ERC2: variants seen among roughly 807,000 people sequenced by gnomAD.
ERC2 encodes ELKS/RAB6-interacting/CAST family member 2, also known as ERC protein 2.
A neutral mutation model predicts 114.8 loss-of-function variants in ERC2; 42 were observed. The observed-to-expected ratio is 0.37, with a 90% confidence interval of 0.29 to 0.47. ERC2 has a LOEUF of 0.47. Ranked by LOEUF, ERC2 falls within the 20% of genes least tolerant of loss-of-function variation. The pLI, the probability that ERC2 is intolerant of heterozygous loss-of-function variation, is 0.99. For synonymous variants in ERC2, 454 were observed against 425.5 expected (o/e 1.07, Z -0.82); for missense variants, 939 against 1,150.7 (o/e 0.82, Z 2.66).
chr3:55,676,294 G>A, intron 17 of ERC2, among the ~76,000 whole-genome samples: 1 of 151,740 alleles, frequency 6.6e-6, no homozygotes, highest in East Asian at 1.9e-4. Flanking sequence ...GATGTCCCAG[G>A]TGTAAGACAA....
At chr3:56,181,021 T>C (rs953602453) in intron 3 of ERC2, among the ~76,000 whole-genome samples, 3 of 152,218 alleles carry the variant, frequency 2.0e-5, no homozygotes, top group African/African-American at 7.2e-5. Context: ...CTTACAGAAA[T>C]ACCAGCTGTC....
At chr3:55,903,310 C>T (rs1283482095) in intron 13 of ERC2, among the ~76,000 whole-genome samples, 1 of 152,152 alleles carries the variant, frequency 6.6e-6, no homozygotes, top group Non-Finnish European at 1.5e-5. Context: ...GTCTAGTCTC[C>T]TATAAAGTGA....
At chr3:55,735,423 A>G (rs1388716258) in intron 14 of ERC2, among the ~76,000 whole-genome samples, 2 of 152,198 alleles carry the variant, frequency 1.3e-5, no homozygotes, top group Non-Finnish European at 2.9e-5. Flanking sequence ...AAGTAGAAGG[A>G]CAAGTGAGCA....
At chr3:55,620,892 A>G (rs898393543) in intron 17 of ERC2, among the ~76,000 whole-genome samples, 6 of 152,170 alleles carry the variant, frequency 3.9e-5, no homozygotes, top group Non-Finnish European at 8.8e-5. Flanking sequence ...TAAATTCTAG[A>G]TATTTATAAC....
At position 55,980,106 on chromosome 3, in the gene ERC2, G is replaced by GAA. The variant is rs35299238; in HGVS notation, c.2267+5869_2267+5870dup. Among the ~76,000 whole-genome samples the GAA allele has an allele frequency of 7.2e-3, 585 of 81,228 alleles. 3 individuals are homozygous for GAA. Among genetic ancestry groups the GAA allele is most frequent in the African/African-American group, 0.019 (513 of 26,400 alleles). The allele number at this position is 81,228 out of a possible 152,430, so 53.3% of individuals were successfully genotyped here. On this transcript the variant is annotated intron_variant, in intron 12 of 17. Coordinates refer to ENST00000288221, the MANE Select transcript of ERC2 (RefSeq NM_015576.3). ...CTATGTTTGCACGAAGTGTAAATTA[G>GAA]AAAAAAAAAAAAAAAAGCTTTTTGT...
intron 11 of ERC2, 107 bp from the exon 12 acceptor site, chr3:55,986,095 C>A (rs2070606977): frequency 1.9e-6 from 2 of 1,043,084 alleles, no homozygotes; most frequent in African/African-American, 1.6e-5. Flanking sequence ...AAACATATAG[C>A]CAACAGATGT....
chr3:56,376,531 G>A (rs950742416), intron 2 of ERC2, among the ~76,000 whole-genome samples: 18 of 152,022 alleles, frequency 1.2e-4, no homozygotes, highest in East Asian at 3.9e-4. Flanking sequence ...TTGGGAGGCC[G>A]AGGTGGGCAG....
At chr3:56,440,217 C>G (rs2062223087) in intron 1 of ERC2, among the ~76,000 whole-genome samples, 1 of 152,168 alleles carries the variant, frequency 6.6e-6, no homozygotes. Flanking sequence ...CCAGTCTTCC[C>G]TATTCCTGAA....
At chr3:55,566,304 C>T (rs1333321960) in intron 17 of ERC2, among the ~76,000 whole-genome samples, 1 of 152,192 alleles carries the variant, frequency 6.6e-6, no homozygotes, top group Non-Finnish European at 1.5e-5. Flanking sequence ...GTGCCAGGTA[C>T]TATTTGATGC....
At chr3:55,591,156 A>G (rs904622) in intron 17 of ERC2, among the ~76,000 whole-genome samples, 145,773 of 151,576 alleles carry the variant, frequency 0.96, 70,270 homozygotes, top group Non-Finnish European at 1. Flanking sequence ...GGGTAGAATT[A>G]TGGTTGATTT....
At chr3:55,619,119 C>A (rs1236745533) in intron 17 of ERC2, among the ~76,000 whole-genome samples, 1 of 152,198 alleles carries the variant, frequency 6.6e-6, no homozygotes. Context: ...ATTAAGCTAA[C>A]CTGTACCACT....
intron 6 of ERC2, among the ~76,000 whole-genome samples, chr3:56,081,318 T>A (rs571580143): frequency 6.6e-6 from 1 of 152,318 alleles, no homozygotes; most frequent in African/African-American, 2.4e-5. Context: ...CTCCCATGTC[T>A]CTCTGAGAGT....
At chr3:55,823,228 G>C (rs1575721537) in intron 14 of ERC2, among the ~76,000 whole-genome samples, 2 of 152,144 alleles carry the variant, frequency 1.3e-5, no homozygotes, top group African/African-American at 2.4e-5. Context: ...TGAGTGATTT[G>C]AAGTGACCTC....
intron 7 of ERC2, among the ~76,000 whole-genome samples, chr3:56,055,704 T>A (rs2075983483): frequency 6.6e-6 from 1 of 152,194 alleles, no homozygotes; most frequent in Non-Finnish European, 1.5e-5. Context: ...ATCAGCCCCA[T>A]CATTAGTACA....
At chr3:56,369,836 C>T (rs964924995) in intron 2 of ERC2, among the ~76,000 whole-genome samples, 33 of 152,104 alleles carry the variant, frequency 2.2e-4, no homozygotes, top group Non-Finnish European at 3.8e-4. Context: ...GCCATCACGC[C>T]CGGCTAATTT....
chr3:56,193,556 C>A (rs1361391716), intron 3 of ERC2, among the ~76,000 whole-genome samples: 1 of 151,954 alleles, frequency 6.6e-6, no homozygotes, highest in Middle Eastern at 3.4e-3. Flanking sequence ...TAGGCAAGAT[C>A]GTGAGTAATT....
intron 17 of ERC2, among the ~76,000 whole-genome samples, chr3:55,552,888 G>A (rs1461031635): frequency 5.3e-5 from 8 of 151,572 alleles, no homozygotes; most frequent in East Asian, 1.9e-4. Flanking sequence ...AAAACCAACC[G>A]ACTGAATTAG....
chr3:55,589,435 T>C (rs1414163927), intron 17 of ERC2, among the ~76,000 whole-genome samples: 1 of 152,114 alleles, frequency 6.6e-6, no homozygotes, highest in African/African-American at 2.4e-5. Context: ...TCCGCACATC[T>C]ACCATGACTA....
At chr3:55,771,633 A>T (rs2068210969) in intron 14 of ERC2, among the ~76,000 whole-genome samples, 1 of 152,246 alleles carries the variant, frequency 6.6e-6, no homozygotes, top group African/African-American at 2.4e-5. Flanking sequence ...GGCTGACTGC[A>T]GGCACAAAGC....
Sources: gnomAD v4.1 joint callset for allele counts (sites outside exome capture counted in the v4.1 genomes callset) on GRCh38, gnomAD v4.1.1 for gene constraint, MANE v1.5 for transcripts, NCBI Gene and HGNC (gene_info 2026-07-23, HGNC 2026-07-21) for gene names.